The following ANKS1B variants were observed in gnomAD, a reference collection of about 807,000 sequenced individuals.
ANKS1B encodes the protein ankyrin repeat and sterile alpha motif domain containing 1B.
A neutral mutation model predicts 148.3 loss-of-function variants in ANKS1B; 36 were observed. That is an observed-to-expected ratio of 0.24 (90% CI 0.19 to 0.32). ANKS1B has a LOEUF of 0.32. Ranked by LOEUF, ANKS1B falls within the 10% of genes least tolerant of loss-of-function variation. ANKS1B has a pLI of 1.00. For missense variants in ANKS1B, 1,157 were observed against 1,542.6 expected (o/e 0.75, Z 4.19); for synonymous variants, 542 against 560.8 (o/e 0.97, Z 0.47).
At chr12:99,685,441 G>A (rs2098644043) in intron 8 of ANKS1B, among the ~76,000 whole-genome samples, 1 of 152,090 alleles carries the variant, frequency 6.6e-6, no homozygotes, top group African/African-American at 2.4e-5. Context: ...ATAGATGTTG[G>A]CATGGATGTG....
At chr12:98,928,170 A>T (rs2099810439) in intron 17 of ANKS1B, among the ~76,000 whole-genome samples, 1 of 151,842 alleles carries the variant, frequency 6.6e-6, no homozygotes. Context: ...CTGTATGCCA[A>T]CAAATTAAAT....
At chr12:99,637,880 G>A (rs1360262059) in intron 9 of ANKS1B, among the ~76,000 whole-genome samples, 2 of 150,468 alleles carry the variant, frequency 1.3e-5, no homozygotes, top group African/African-American at 2.5e-5. Flanking sequence ...GAGAAAAAAA[G>A]AGAGAGAGAT....
intron 14 of ANKS1B, among the ~76,000 whole-genome samples, chr12:99,157,290 A>G (rs1418823149): frequency 6.6e-6 from 1 of 152,224 alleles, no homozygotes; most frequent in Non-Finnish European, 1.5e-5. Flanking sequence ...GATCACAGCC[A>G]CAGTGCTTCA....
chr12:99,693,576 CCTT>C (rs1361881399), intron 8 of ANKS1B, among the ~76,000 whole-genome samples: 30 of 152,200 alleles, frequency 2.0e-4, no homozygotes, highest in African/African-American at 7.0e-4. Context: ...TTAAAGCTGA[CCTT>C]ATCTGATTCT....
chr12:99,784,876 A>G (rs1376223312), intron 4 of ANKS1B, among the ~76,000 whole-genome samples: 1 of 152,196 alleles, frequency 6.6e-6, no homozygotes, highest in Non-Finnish European at 1.5e-5. Context: ...ACATCAATCT[A>G]TATTTTCCTT....
chr12:99,795,486 C>T (rs541622150), intron 4 of ANKS1B, among the ~76,000 whole-genome samples: 61 of 152,022 alleles, frequency 4.0e-4, no homozygotes, highest in African/African-American at 1.3e-3. Context: ...TGGTTACTTA[C>T]AACTCTTACT....
chr12:99,619,424 T>A (rs1598257898), intron 9 of ANKS1B, among the ~76,000 whole-genome samples: 2 of 151,824 alleles, frequency 1.3e-5, no homozygotes, highest in East Asian at 3.9e-4. Context: ...GACACCCTAG[T>A]CTTCCTGCGC....
chr12:99,425,981 T>A (rs2095246206), intron 11 of ANKS1B, among the ~76,000 whole-genome samples: 1 of 152,184 alleles, frequency 6.6e-6, no homozygotes. Context: ...AATGTTTGTA[T>A]CTGTAAGATT....
chr12:98,817,900 C>A (rs894791661), intron 19 of ANKS1B, among the ~76,000 whole-genome samples: 89 of 152,106 alleles, frequency 5.9e-4, no homozygotes, highest in Non-Finnish European at 7.4e-5. Flanking sequence ...TCAGTTATCA[C>A]CTGCTGGGAA....
At chr12:99,031,904 A>G (rs1304361396) in intron 17 of ANKS1B, among the ~76,000 whole-genome samples, 1 of 152,220 alleles carries the variant, frequency 6.6e-6, no homozygotes, top group Non-Finnish European at 1.5e-5. Context: ...CCCAAATAAA[A>G]ACATTGCCCT....
chr12:99,316,062 G>C (rs2084030258), intron 12 of ANKS1B, among the ~76,000 whole-genome samples: 1 of 152,130 alleles, frequency 6.6e-6, no homozygotes. Flanking sequence ...TCTTTATTCA[G>C]TCTATCATTG....
intron 15 of ANKS1B, among the ~76,000 whole-genome samples, chr12:99,136,661 T>C (rs765419549): frequency 6.6e-6 from 1 of 152,122 alleles, no homozygotes; most frequent in Non-Finnish European, 1.5e-5. Context: ...TTAAGGGCAT[T>C]TGCATGTTAT....
At chr12:99,478,921 T>C (rs2096368117) in intron 10 of ANKS1B, among the ~76,000 whole-genome samples, 1 of 152,118 alleles carries the variant, frequency 6.6e-6, no homozygotes, top group African/African-American at 2.4e-5. Flanking sequence ...CTAATACCCA[T>C]ATTAAAACTT....
At chr12:98,897,040 C>A (rs1480637331) in intron 17 of ANKS1B, among the ~76,000 whole-genome samples, 1 of 152,182 alleles carries the variant, frequency 6.6e-6, no homozygotes, top group Non-Finnish European at 1.5e-5. Flanking sequence ...GTCCTCTGCA[C>A]TCTAGAGTCA....
At chr12:99,471,316 C>T (rs541115257) in intron 10 of ANKS1B, among the ~76,000 whole-genome samples, 74 of 151,888 alleles carry the variant, frequency 4.9e-4, no homozygotes, top group Admixed American at 1.8e-3. Context: ...ACTTGTTATA[C>T]ATCATATATA....
At chr12:98,890,559 G>C (rs1186834743) in intron 17 of ANKS1B, among the ~76,000 whole-genome samples, 1 of 152,160 alleles carries the variant, frequency 6.6e-6, no homozygotes, top group African/African-American at 2.4e-5. Context: ...ACATGGTCTT[G>C]ATGTCTAAAC....
At chr12:99,910,129 T>G (rs1474904502) in intron 1 of ANKS1B, among the ~76,000 whole-genome samples, 1 of 151,880 alleles carries the variant, frequency 6.6e-6, no homozygotes, top group Non-Finnish European at 1.5e-5. Flanking sequence ...TCCCAGCACT[T>G]TGGGAGGCTG....
At chr12:99,229,941 T>G (rs2712655) in intron 14 of ANKS1B, among the ~76,000 whole-genome samples, 1 of 151,728 alleles carries the variant, frequency 6.6e-6, no homozygotes, top group East Asian at 1.9e-4. Context: ...TTATATATAC[T>G]GGAAATATGA....
At chr12:99,500,527 T>A (rs1284568543) in intron 10 of ANKS1B, among the ~76,000 whole-genome samples, 1 of 152,192 alleles carries the variant, frequency 6.6e-6, no homozygotes, top group Non-Finnish European at 1.5e-5. Flanking sequence ...AATCAGTCCC[T>A]GACAAGCCCT....
Sources: gnomAD v4.1 joint callset for allele counts (sites outside exome capture counted in the v4.1 genomes callset) on GRCh38, gnomAD v4.1.1 for gene constraint, MANE v1.5 for transcripts, NCBI Gene and HGNC (gene_info 2026-07-23, HGNC 2026-07-21) for gene names.